DPP10: variants seen among roughly 807,000 people sequenced by gnomAD.
DPP10 encodes inactive dipeptidyl peptidase 10.
Under a neutral mutation model 120.9 loss-of-function variants are expected in DPP10, and 33 were observed. The ratio of observed to expected loss-of-function variants is 0.27; its 90% CI spans 0.21 to 0.37. The LOEUF (loss-of-function observed/expected upper bound fraction) is 0.37, where lower values mean the gene tolerates loss of function less well. DPP10 is among the 10% of genes least tolerant of loss of function. The pLI is 1.00. For synonymous variants in DPP10, 337 were observed against 326.1 expected (o/e 1.03, Z -0.36); for missense variants, 816 against 942.8 (o/e 0.87, Z 1.76).
At chr2:114,698,964 C>T (rs150560468) in intron 1 of DPP10, among the ~76,000 whole-genome samples, 24 of 152,178 alleles carry the variant, frequency 1.6e-4, no homozygotes, top group African/African-American at 5.8e-4. Context: ...GTGATGTGTT[C>T]AATATTCCCA....
At position 115,441,564 on chromosome 2, in the gene DPP10, A is replaced by C. The variant is rs79509658; in HGVS notation, c.272-57946A>C. On this transcript the variant is annotated intron_variant, in intron 3 of 25. Transcript: ENST00000410059. ...TGTTTATCTGAGATGCCCTATGGTT[A>C]TGTTTGAATATTACTTACCTGTCTC... is the stretch of plus-strand genomic sequence containing the variant. Among the ~76,000 whole-genome samples the C allele has an allele frequency of 3.0e-3, 460 of 152,232 alleles. 3 individuals carry two copies. Among genetic ancestry groups the C allele is most frequent in the African/African-American group, 0.011 (437 of 41,530 alleles).
At chr2:114,589,030 G>GC (rs1553466493) in intron 1 of DPP10, among the ~76,000 whole-genome samples, 1 of 107,966 alleles carries the variant, frequency 9.3e-6, no homozygotes, top group Non-Finnish European at 1.9e-5. Context: ...AAAGGCAAAG[G>GC]TTTTTTTGGG....
chr2:114,580,832 T>A (rs1690445067), intron 1 of DPP10, among the ~76,000 whole-genome samples: 1 of 151,968 alleles, frequency 6.6e-6, no homozygotes, highest in South Asian at 2.1e-4. Flanking sequence ...ACACTCTTTG[T>A]CAAACTGTTT....
rs1026904174 is a variant in DPP10 at position 114,748,341 on chromosome 2, T to A, written c.60+305503T>A. On this transcript the variant is annotated intron_variant, in intron 1 of 25. Coordinates refer to ENST00000410059, the MANE Select transcript of DPP10 (RefSeq NM_020868.6). Reference sequence around the variant, plus strand: ...CACGTAGGACAAAGGGAATTTTCTTTTTTTTTTTTATTTTTTTTTATTTTA... The same window carrying A: ...CACGTAGGACAAAGGGAATTTTCTTATTTTTTTTTATTTTTTTTTATTTTA... 5.2e-4 allele frequency among the ~76,000 whole-genome samples: 68 copies of A among 131,350 alleles called. 1 individual carries two copies. The highest frequency in any genetic ancestry group is 9.5e-4 in the Non-Finnish European group (60 of 62,858). The allele number at this position is 131,350 out of a possible 152,430, so 86.2% of individuals were successfully genotyped here.
intron 1 of DPP10, among the ~76,000 whole-genome samples, chr2:114,575,991 G>C (rs964340879): frequency 9.2e-5 from 14 of 152,208 alleles, no homozygotes; most frequent in Non-Finnish European, 1.3e-4. Flanking sequence ...AGATGAACTG[G>C]TGATTATGAT....
At chr2:115,645,440 C>T (rs187660027) in intron 5 of DPP10, among the ~76,000 whole-genome samples, 1 of 152,136 alleles carries the variant, frequency 6.6e-6, no homozygotes, top group South Asian at 2.1e-4. Context: ...CTTCCCAATC[C>T]CCACCAGCCA....
At chr2:115,538,395 A>C (rs757377521) in intron 5 of DPP10, among the ~76,000 whole-genome samples, 1 of 151,996 alleles carries the variant, frequency 6.6e-6, no homozygotes, top group Non-Finnish European at 1.5e-5. Flanking sequence ...TAATATTTTC[A>C]TGTCTGTTTC....
rs563048960 is a variant in DPP10, at chr2:114,583,181, T to G, written c.60+140343T>G. Among the ~76,000 whole-genome samples, 10 of 152,368 alleles carry G rather than the reference T, an allele frequency of 6.6e-5. No individual in the cohort carries two copies. The South Asian group carries it at 2.1e-3, about 32-fold the overall frequency. On this transcript the variant is annotated intron_variant, in intron 1 of 25. Transcript: ENST00000410059. ...TTACAATTAGCTATCTAAGTATATGTGCTTTTGTAATCATAGCTTGGAATT... is the reference window on the plus strand; with the variant it reads ...TTACAATTAGCTATCTAAGTATATGGGCTTTTGTAATCATAGCTTGGAATT...
At chr2:115,588,576 G>A (rs191868491) in intron 5 of DPP10, among the ~76,000 whole-genome samples, 2 of 152,188 alleles carry the variant, frequency 1.3e-5, no homozygotes, top group African/African-American at 4.8e-5. Flanking sequence ...CATACCTGGG[G>A]CATGCCACAT....
At chr2:115,016,520 A>G (rs1014377166) in intron 1 of DPP10, among the ~76,000 whole-genome samples, 3 of 152,184 alleles carry the variant, frequency 2.0e-5, no homozygotes, top group Admixed American at 1.3e-4. Context: ...TAACTAAACT[A>G]AAGAGCTTCT....
At chr2:114,770,944 A>G (rs10496473) in intron 1 of DPP10, among the ~76,000 whole-genome samples, 7,697 of 152,282 alleles carry the variant, frequency 0.051, 568 homozygotes, top group African/African-American at 0.16. Flanking sequence ...TCAAATGGGA[A>G]AAAACGACTG....
chr2:115,649,243 A>G (rs1165124103), intron 5 of DPP10, among the ~76,000 whole-genome samples: 1 of 152,014 alleles, frequency 6.6e-6, no homozygotes, highest in African/African-American at 2.4e-5. Context: ...GAGAGGAGCT[A>G]CTCTTCTGTT....
At chr2:115,254,026 C>A (rs183752890) in intron 1 of DPP10, among the ~76,000 whole-genome samples, 10 of 151,756 alleles carry the variant, frequency 6.6e-5, no homozygotes, top group Non-Finnish European at 1.5e-4. Flanking sequence ...GTGGAAGCTC[C>A]CAAGCCTTCT....
rs140980030 is a variant in DPP10 at position 114,568,224 on chromosome 2, A to G, written c.60+125386A>G. ...TTATGGGGGCACATGTGAGTGTTGC[A>G]TGCATAGAATGTATGATGATCAAGT... On this transcript the variant is annotated intron_variant, in intron 1 of 25. Transcript: ENST00000410059. Among the ~76,000 whole-genome samples, 974 of 152,220 alleles carry G rather than the reference A, an allele frequency of 6.4e-3. 15 individuals are homozygous for G. Among genetic ancestry groups the G allele is most frequent in the African/African-American group, 0.022 (895 of 41,544 alleles).
In DPP10 at chr2:115,063,952, C is replaced by CT. The variant is rs994280448; in HGVS notation, c.61-245279dup. ...AATATGATTAGCTTGTCTCATTCAT[C>CT]TTTTTTTTCTGGTATTACAATGGGT... On this transcript the variant is annotated intron_variant, in intron 1 of 25. Transcript: ENST00000410059. Among the ~76,000 whole-genome samples the CT allele has an allele frequency of 5.9e-5, 9 of 151,980 alleles. No individual in the cohort carries two copies. The East Asian group carries it at 7.7e-4, about 13-fold the overall frequency.
intron 1 of DPP10, among the ~76,000 whole-genome samples, chr2:115,142,065 C>T (rs1559140615): frequency 6.6e-6 from 1 of 152,086 alleles, no homozygotes; most frequent in African/African-American, 2.4e-5. Context: ...TGAGCCAGCA[C>T]GTGGGGCTAG....
At chr2:115,800,359 C>G (rs1386711963) in intron 19 of DPP10, among the ~76,000 whole-genome samples, 1 of 152,042 alleles carries the variant, frequency 6.6e-6, no homozygotes, top group Admixed American at 6.6e-5. Context: ...GAGTAGGTTG[C>G]AAAAATTTTC....
intron 1 of DPP10, among the ~76,000 whole-genome samples, chr2:114,530,309 A>T (rs971040666): frequency 2.0e-5 from 3 of 152,156 alleles, no homozygotes; most frequent in Non-Finnish European, 4.4e-5. Flanking sequence ...ATCATTTTAT[A>T]ATAGTTATTG....
chr2:114,599,595 T>C (rs1692202131), intron 1 of DPP10, among the ~76,000 whole-genome samples: 1 of 151,836 alleles, frequency 6.6e-6, no homozygotes. Flanking sequence ...ATACTAAGTA[T>C]ACCATATTTT....
Sources: gnomAD v4.1 joint callset for allele counts (sites outside exome capture counted in the v4.1 genomes callset) on GRCh38, gnomAD v4.1.1 for gene constraint, MANE v1.5 for transcripts, NCBI Gene and HGNC (gene_info 2026-07-23, HGNC 2026-07-21) for gene names.